WNK2: variants seen among roughly 807,000 people sequenced by gnomAD.
WNK2 encodes the protein WNK lysine deficient protein kinase 2, also known as serine/threonine-protein kinase WNK2.
WNK2 carries 67 observed loss-of-function variants against 192.1 expected under a neutral mutation model. The observed-to-expected ratio is 0.35, with a 90% CI of 0.29 to 0.43. The LOEUF (loss-of-function observed/expected upper bound fraction) is 0.43, where lower values mean the gene tolerates loss of function less well. Among genes scored for constraint, WNK2 ranks in the 20% least tolerant of loss-of-function variants. The pLI is 1.00. For synonymous variants in WNK2, 1,439 were observed against 1,393.9 expected (o/e 1.03, Z -0.72); for missense variants, 2,698 against 3,089.7 (o/e 0.87, Z 3.01).
At chr9:93,189,440 T>C (rs1367036851) in intron 2 of WNK2, among the ~76,000 whole-genome samples, 3 of 152,200 alleles carry the variant, frequency 2.0e-5, no homozygotes, top group African/African-American at 7.2e-5. Flanking sequence ...GGGCGCTGCT[T>C]CTAGTTCCAG....
At chr9:93,245,530 C>T (rs1013292080) in intron 7 of WNK2, among the ~76,000 whole-genome samples, 3 of 152,220 alleles carry the variant, frequency 2.0e-5, no homozygotes, top group African/African-American at 4.8e-5. Context: ...CAGCTTCACC[C>T]GCCAGTTAGG....
chr9:93,191,562 G>A (rs372433989), intron 2 of WNK2, among the ~76,000 whole-genome samples: 113 of 152,262 alleles, frequency 7.4e-4, no homozygotes, highest in South Asian at 5.8e-3. Context: ...CTTGGGGACA[G>A]TTGGGGATGA....
intron 2 of WNK2, among the ~76,000 whole-genome samples, chr9:93,226,505 A>AAC (rs1837844476): frequency 6.6e-6 from 1 of 152,062 alleles, no homozygotes; most frequent in Admixed American, 6.5e-5. Context: ...CATATAATGA[A>AAC]ACACACAACT....
intron 19 of WNK2, among the ~76,000 whole-genome samples, chr9:93,287,770 GAC>G (rs987723681): frequency 1.6e-4 from 25 of 152,096 alleles, no homozygotes; most frequent in Admixed American, 7.2e-4. Flanking sequence ...TTTTTAAAAA[GAC>G]AAAGTGGGCT....
In WNK2 at chr9:93,184,226, C is replaced by T. The variant is rs1299599187; in HGVS notation, c.-162C>T. Among the ~76,000 whole-genome samples, 1 of 150,594 alleles carries T rather than the reference C, an allele frequency of 6.6e-6. No individual in the cohort carries two copies. The highest frequency in any genetic ancestry group is 6.6e-5 in the Admixed American group (1 of 15,134). The stretch of plus-strand genomic sequence containing the variant: ...GCGGGAGCGCGGCCCCGCAGTGGCC[C>T]GGCCCGAGAGAGCAGCGCGCAGGAG... On this transcript the variant is annotated 5_prime_UTR_variant, in exon 1 of 30. Coordinates refer to ENST00000427277, the MANE Select transcript of WNK2 (RefSeq NM_006648.4).
In WNK2 at chr9:93,250,782, C is replaced by CTTTTT. The variant is rs35468086; in HGVS notation, c.1835-2085_1835-2081dup. 5.9e-5 allele frequency among the ~76,000 whole-genome samples: 7 copies of CTTTTT among 118,600 alleles called. 1 individual carries two copies. The highest frequency in any genetic ancestry group is 1.8e-4 in the Admixed American group (2 of 11,160). The allele number at this position is 118,600 out of a possible 152,430, so 77.8% of individuals were successfully genotyped here. On this transcript the variant is annotated intron_variant, in intron 8 of 29. Transcript: ENST00000427277. ...ATTGTGTAATTAATGAACTCATTCA[C>CTTTTT]TTTTTTTTTTTTTTTTTTTTGAGAC...
intron 28 of WNK2, among the ~76,000 whole-genome samples, chr9:93,309,839 A>T (rs963295106): frequency 6.6e-5 from 10 of 152,254 alleles, no homozygotes; most frequent in African/African-American, 2.4e-4. Context: ...ATTCAAGGCT[A>T]TAAAGTGCCC....
At position 93,253,008 on chromosome 9, in the gene WNK2, C is replaced by A. The variant is rs1842799374; in HGVS notation, c.1960C>A (p.Pro654Thr). Residue 654 changes from proline (P) to threonine (T), a missense_variant, in exon 9 of 30, where the codon CCC becomes ACC. Pro to Thr is a conservative substitution (Grantham distance 38). Around this residue, in one of 7 missense-constraint regions of WNK2, gnomAD observed 893 missense variants for 909.0 expected, o/e 0.98. Transcript: ENST00000427277. ...GTCCCCGGCCCAGTGTGTGTGCAGC[C>A]CCCCTGTGAGCGAGGGGCCCGTCCT... is the stretch of plus-strand genomic sequence containing the variant. ...APSPAQCVCS[P>T]PVSEGPVLPQ... The A allele has an allele frequency of 1.3e-5, 20 of 1,559,000 alleles. No individual in the cohort carries two copies. The highest frequency in any genetic ancestry group is 1.7e-5 in the Non-Finnish European group (20 of 1,153,556).
intron 26 of WNK2, among the ~76,000 whole-genome samples, chr9:93,303,141 A>G (rs1032169915): frequency 1.5e-4 from 23 of 152,068 alleles, no homozygotes; most frequent in African/African-American, 5.5e-4. Context: ...GCTGGTCTAG[A>G]CCTCCTGGGC....
At chr9:93,233,174 G>A (rs924746736) in intron 4 of WNK2, among the ~76,000 whole-genome samples, 3 of 144,144 alleles carry the variant, frequency 2.1e-5, no homozygotes, top group Non-Finnish European at 4.5e-5. Flanking sequence ...CTCGAGCCTG[G>A]GCGACAGGGC....
chr9:93,272,738 C>CAAAAAAAAAA lies in WNK2; in HGVS notation c.4033+4001_4033+4010dup, dbSNP rs35641750. On this transcript the variant is annotated intron_variant, in intron 19 of 29. Coordinates refer to ENST00000427277, the MANE Select transcript of WNK2 (RefSeq NM_006648.4). Reference sequence around the variant, plus strand: ...GGGCAACAAGAGCGAAACTCCGTCTCAAAAAAAAAAAAAAAAAATTCAAAT... The same window carrying CAAAAAAAAAA: ...GGGCAACAAGAGCGAAACTCCGTCTCAAAAAAAAAAAAAAAAAAAAAAAAAAAATTCAAAT... Among the ~76,000 whole-genome samples the CAAAAAAAAAA allele has an allele frequency of 1.0e-3, 91 of 90,798 alleles. 4 individuals are homozygous for CAAAAAAAAAA. Among genetic ancestry groups the CAAAAAAAAAA allele is most frequent in the African/African-American group, 4.6e-3 (88 of 19,250 alleles). 59.6% of individuals were successfully genotyped at this position (90,798 alleles called of 152,430 possible). A position where few individuals can be genotyped will look rare whatever the true frequency, so the allele number is the denominator to read the frequency against.
At chr9:93,306,601 C>T in intron 26 of WNK2, 176 bp from the exon 27 acceptor site, 1 of 744,574 alleles carries the variant, frequency 1.3e-6, no homozygotes, top group South Asian at 1.7e-5. Flanking sequence ...GGAGCCTGCA[C>T]CCTCTCTCCA....
intron 19 of WNK2, among the ~76,000 whole-genome samples, chr9:93,288,582 A>G (rs1848803033): frequency 6.6e-6 from 1 of 152,192 alleles, no homozygotes; most frequent in East Asian, 1.9e-4. Flanking sequence ...CTGGTGGCTC[A>G]GAGACCTGTG....
intron 26 of WNK2, among the ~76,000 whole-genome samples, chr9:93,300,590 A>G (rs1359854627): frequency 1.4e-5 from 2 of 146,476 alleles, no homozygotes. Flanking sequence ...GACAACCCCA[A>G]CCTCCTCCAG....
chr9:93,211,357 C>T (rs1156380129), intron 2 of WNK2, among the ~76,000 whole-genome samples: 6 of 147,016 alleles, frequency 4.1e-5, no homozygotes, highest in Admixed American at 4.0e-4. Flanking sequence ...CACTCATCTA[C>T]TCACTCATCA....
At position 93,247,925 on chromosome 9, in the gene WNK2, C is replaced by T. The variant is rs752780849; in HGVS notation, c.1834+91C>T. ...GGGCAAAGAAAAATGAAGTCCTCTC[C>T]CTTTATTGGAATGCTTTGTGAGGAA... is the stretch of plus-strand genomic sequence containing the variant. On this transcript the variant is annotated intron_variant, in intron 8 of 29. Coordinates refer to ENST00000427277, the MANE Select transcript of WNK2 (RefSeq NM_006648.4). This position sits in a 1 kb window ranked among gnomAD's most constrained non-coding sequence, Gnocchi z 5.2. 1.4e-4 allele frequency: 192 copies of T among 1,376,246 alleles called. No individual in the cohort carries two copies. Among genetic ancestry groups the T allele is most frequent in the Non-Finnish European group, 1.8e-4 (182 of 1,026,330 alleles). 85.3% of individuals were successfully genotyped at this position (1,376,246 alleles called of 1,614,324 possible). A position where few individuals can be genotyped will look rare whatever the true frequency, so the allele number is the denominator to read the frequency against.
intron 7 of WNK2, among the ~76,000 whole-genome samples, chr9:93,245,462 C>A (rs1392014504): frequency 1.3e-5 from 2 of 152,222 alleles, no homozygotes; most frequent in Non-Finnish European, 2.9e-5. Flanking sequence ...TCAGGTCTTG[C>A]ATCTCCACAG....
At chr9:93,304,754 A>T (rs1444495041) in intron 26 of WNK2, among the ~76,000 whole-genome samples, 1 of 152,210 alleles carries the variant, frequency 6.6e-6, no homozygotes, top group Non-Finnish European at 1.5e-5. Flanking sequence ...AAGGACGGGC[A>T]GGGCTGTCCA....
In WNK2 at chr9:93,259,600, A is replaced by T; in HGVS notation, c.3052A>T (p.Thr1018Ser). 6.3e-7 allele frequency: 1 copy of T among 1,587,874 alleles called. No homozygotes were observed. Among genetic ancestry groups the T allele is most frequent in the Admixed American group, 1.7e-5 (1 of 58,530 alleles). ...HLPEQAAPAA[T>S]PGSQILLGHP... is the part of the protein sequence containing the mutation. Reference sequence around the variant, plus strand: ...TCCTGAACAAGCTGCTCCAGCTGCTACACCAGGGAGCCAGGTAATCACCTG... The same window carrying T: ...TCCTGAACAAGCTGCTCCAGCTGCTTCACCAGGGAGCCAGGTAATCACCTG... Residue 1018 changes from threonine (T) to serine (S), a missense_variant, in exon 12 of 30, where the codon ACA (threonine) becomes TCA (serine). Coordinates refer to ENST00000427277, the MANE Select transcript of WNK2 (RefSeq NM_006648.4). The surrounding 1 kb of genome is among the most constrained non-coding windows in gnomAD (Gnocchi z 4.8).
Sources: gnomAD v4.1 joint callset for allele counts (sites outside exome capture counted in the v4.1 genomes callset) on GRCh38, gnomAD v4.1.1 for gene constraint, gnomAD v4.1.1 regional missense constraint, Gnocchi (gnomAD v3.1) non-coding constraint, MANE v1.5 for transcripts, NCBI Gene and HGNC (gene_info 2026-07-23, HGNC 2026-07-21) for gene names.